The following CRPPA variants were observed in gnomAD, a reference collection of about 807,000 sequenced individuals.
CRPPA encodes the protein D-ribitol-5-phosphate cytidylyltransferase.
Under a neutral mutation model 52.0 loss-of-function variants are expected in CRPPA, and 43 were observed. The observed-to-expected ratio is 0.83, with a 90% CI of 0.65 to 1.07. The LOEUF (loss-of-function observed/expected upper bound fraction) is 1.07. Ranked by LOEUF, CRPPA falls within the 50% of genes least tolerant of loss-of-function variation. The pLI is 0.00. For missense variants in CRPPA, 629 were observed against 551.7 expected (o/e 1.14, Z -1.40); for synonymous variants, 250 against 203.5 (o/e 1.23, Z -1.94).
At chr7:16,376,372 T>A (rs1231568415) in intron 2 of CRPPA, 131 bp from the exon 3 acceptor site, 21 of 872,310 alleles carry the variant, frequency 2.4e-5, no homozygotes, top group Non-Finnish European at 3.4e-5. Context: ...AACATCTGAG[T>A]AAGTGTGATT....
At chr7:16,216,792 G>A (rs543119541) in intron 8 of CRPPA, among the ~76,000 whole-genome samples, 5 of 152,258 alleles carry the variant, frequency 3.3e-5, no homozygotes, top group East Asian at 3.9e-4. Flanking sequence ...AGGGTCCTAC[G>A]CCCACGGAGT....
intron 3 of CRPPA, among the ~76,000 whole-genome samples, chr7:16,354,539 G>T (rs192986085): frequency 6.6e-6 from 1 of 152,218 alleles, no homozygotes; most frequent in East Asian, 1.9e-4. Flanking sequence ...GCCTAATGAG[G>T]CTTTGGACAC....
chr7:16,213,095 C>G (rs10275907), intron 9 of CRPPA, among the ~76,000 whole-genome samples: 56,076 of 151,970 alleles, frequency 0.37, 10,805 homozygotes, highest in South Asian at 0.56. Context: ...GGTATTTTCA[C>G]ATTTCAACAA....
At chr7:16,336,380 G>T (rs1785680817) in intron 3 of CRPPA, among the ~76,000 whole-genome samples, 1 of 152,062 alleles carries the variant, frequency 6.6e-6, no homozygotes, top group Non-Finnish European at 1.5e-5. Flanking sequence ...TGAACGCACA[G>T]ATTTTTTGTA....
At chr7:16,377,492 G>C (rs1246264324) in intron 2 of CRPPA, among the ~76,000 whole-genome samples, 2 of 152,176 alleles carry the variant, frequency 1.3e-5, no homozygotes, top group African/African-American at 4.8e-5. Context: ...AAGAGAACAT[G>C]AGACATCCAA....
intron 4 of CRPPA, 68 bp from the exon 5 acceptor site, chr7:16,301,534 C>A (rs1030315502): frequency 1.4e-5 from 16 of 1,133,780 alleles, no homozygotes; most frequent in Non-Finnish European, 2.1e-5. Context: ...TAAAATAATG[C>A]CCCCAAGGAA....
At chr7:16,137,768 G>GA (rs1782789263) in intron 9 of CRPPA, among the ~76,000 whole-genome samples, 1 of 151,916 alleles carries the variant, frequency 6.6e-6, no homozygotes, top group African/African-American at 2.4e-5. Context: ...ATTTCCTACA[G>GA]AAAACTATCT....
At chr7:16,204,838 G>A (rs1426548565) in intron 9 of CRPPA, among the ~76,000 whole-genome samples, 1 of 152,142 alleles carries the variant, frequency 6.6e-6, no homozygotes, top group Non-Finnish European at 1.5e-5. Flanking sequence ...ATCAAATGTA[G>A]TAACTTCTGT....
At chr7:16,186,418 G>C (rs1456345358) in intron 9 of CRPPA, among the ~76,000 whole-genome samples, 1 of 152,074 alleles carries the variant, frequency 6.6e-6, no homozygotes, top group Non-Finnish European at 1.5e-5. Flanking sequence ...CCTGCAAGAA[G>C]GCCCTCACCA....
intron 3 of CRPPA, among the ~76,000 whole-genome samples, chr7:16,372,056 G>A (rs1583555740): frequency 6.6e-6 from 1 of 152,058 alleles, no homozygotes; most frequent in South Asian, 2.1e-4. Flanking sequence ...AGAAATATTG[G>A]ATTACCAACC....
chr7:16,292,428 T>C (rs1302746175), intron 5 of CRPPA, among the ~76,000 whole-genome samples: 1 of 151,936 alleles, frequency 6.6e-6, no homozygotes, highest in Non-Finnish European at 1.5e-5. Flanking sequence ...AAGCAAAATA[T>C]CTTCCTCTTC....
At chr7:16,203,881 A>G (rs1781911998) in intron 9 of CRPPA, among the ~76,000 whole-genome samples, 1 of 152,162 alleles carries the variant, frequency 6.6e-6, no homozygotes, top group Admixed American at 6.5e-5. Context: ...AATCATCATA[A>G]AATTTTATTC....
chr7:16,144,490 G>C (rs1351758750), intron 9 of CRPPA, among the ~76,000 whole-genome samples: 2 of 152,196 alleles, frequency 1.3e-5, no homozygotes, highest in African/African-American at 4.8e-5. Context: ...AGGCCAGAAG[G>C]TTTTGCAAAG....
At chr7:16,341,622 T>A (rs1483266472) in intron 3 of CRPPA, among the ~76,000 whole-genome samples, 1 of 152,138 alleles carries the variant, frequency 6.6e-6, no homozygotes, top group African/African-American at 2.4e-5. Flanking sequence ...ACATATTAGG[T>A]GGGGAAATGC....
rs148328507 is a variant in CRPPA at position 16,354,787 on chromosome 7, G to A, written c.684+21305C>T. On this transcript the variant is annotated intron_variant, in intron 3 of 9. Coordinates refer to ENST00000407010, the MANE Select transcript of CRPPA (RefSeq NM_001101426.4). The stretch of plus-strand genomic sequence containing the variant: ...GTTTCCTGAACCTCCTCACTGAAAT[G>A]CAGCCATCAGAAAATAATAGAGTTA... Among the ~76,000 whole-genome samples, 193 of 152,176 alleles carry A rather than the reference G, an allele frequency of 1.3e-3. 8 individuals are homozygous for A. In the East Asian group the frequency reaches 0.035, roughly 28 times the overall value.
chr7:16,386,960 C>G (rs1463609198), intron 2 of CRPPA, among the ~76,000 whole-genome samples: 2 of 150,638 alleles, frequency 1.3e-5, no homozygotes, highest in African/African-American at 4.9e-5. Context: ...GCAGAGGTTA[C>G]AGTGAGCTGA....
intron 9 of CRPPA, among the ~76,000 whole-genome samples, chr7:16,194,250 A>G (rs1170100769): frequency 2.6e-5 from 4 of 152,062 alleles, no homozygotes; most frequent in Non-Finnish European, 5.9e-5. Flanking sequence ...ACATAACACT[A>G]TTGCCCTAGA....
chr7:16,377,079 G>C (rs965880090), intron 2 of CRPPA, among the ~76,000 whole-genome samples: 1 of 152,168 alleles, frequency 6.6e-6, no homozygotes, highest in Admixed American at 6.6e-5. Context: ...TAGTGCACAA[G>C]TAAAACAAAT....
chr7:16,249,020 C>T (rs1055886694), intron 8 of CRPPA, among the ~76,000 whole-genome samples: 2 of 152,092 alleles, frequency 1.3e-5, no homozygotes, highest in Non-Finnish European at 2.9e-5. Context: ...ACCTGGGATG[C>T]TTGAGTTTGG....
Sources: allele counts gnomAD v4.1 joint callset (sites outside exome capture counted in the v4.1 genomes callset), GRCh38; gene constraint gnomAD v4.1.1; transcripts MANE v1.5; gene names NCBI Gene and HGNC (gene_info 2026-07-23, HGNC 2026-07-21).